Variants in CELF2 observed in about 807,000 individuals in gnomAD.
CELF2 encodes CUGBP Elav-like family member 2, also known as CUG triplet repeat RNA-binding protein 2.
In CELF2, 8 loss-of-function variants were observed where a neutral mutation model predicts 62.6. That is an observed-to-expected ratio of 0.13 (90% CI 0.07 to 0.23). The LOEUF (loss-of-function observed/expected upper bound fraction) is 0.23. CELF2 is among the 10% of genes least tolerant of loss of function. CELF2 has a pLI of 1.00. For missense variants in CELF2, 333 were observed against 671.0 expected (o/e 0.50, Z 5.56); for synonymous variants, 258 against 250.0 (o/e 1.03, Z -0.30).
intron 1 of CELF2, among the ~76,000 whole-genome samples, chr10:11,043,579 C>T (rs1192074616): frequency 6.6e-6 from 1 of 152,092 alleles, no homozygotes; most frequent in Non-Finnish European, 1.5e-5. Context: ...AATCAAGCTC[C>T]TCATCCCCCG....
intron 2 of CELF2, among the ~76,000 whole-genome samples, chr10:10,944,741 A>C (rs1187282858): frequency 2.6e-5 from 4 of 152,044 alleles, no homozygotes; most frequent in Non-Finnish European, 5.9e-5. Context: ...AGCTGGGATT[A>C]CAGGTGTGCA....
At chr10:11,167,680 G>A (rs1422342087) in intron 2 of CELF2, among the ~76,000 whole-genome samples, 1 of 152,188 alleles carries the variant, frequency 6.6e-6, no homozygotes, top group Non-Finnish European at 1.5e-5. Flanking sequence ...TGTTCACTGT[G>A]CCTGATTACT....
chr10:10,870,282 A>G (rs1353203934), intron 1 of CELF2, among the ~76,000 whole-genome samples: 3 of 152,326 alleles, frequency 2.0e-5, no homozygotes, highest in East Asian at 1.9e-4. Flanking sequence ...AAAAAAGGCC[A>G]TAAGTCATTG....
At chr10:10,832,604 G>T (rs1011617176) in intron 1 of CELF2, among the ~76,000 whole-genome samples, 8 of 152,290 alleles carry the variant, frequency 5.3e-5, no homozygotes, top group African/African-American at 1.9e-4. Context: ...GTGTGCAGGT[G>T]AGTCGGTTCA....
chr10:11,077,605 T>C (rs2072470045), intron 1 of CELF2, among the ~76,000 whole-genome samples: 1 of 152,204 alleles, frequency 6.6e-6, no homozygotes, highest in East Asian at 1.9e-4. Context: ...ATACCTATTA[T>C]TACTTTTATC....
intron 5 of CELF2, among the ~76,000 whole-genome samples, chr10:11,259,499 T>C (rs1419786230): frequency 6.6e-6 from 1 of 151,772 alleles, no homozygotes; most frequent in African/African-American, 2.4e-5. Flanking sequence ...AATTTTGTTA[T>C]ATAACACTCA....
Position 11,268,626 on chromosome 10 carries a change from C to G in CELF2, c.618+1949C>G, listed in dbSNP as rs967692683. ...ATTAATATCTCTGTTATTTGAAAACCAAATTTGGTGTTTAAAACTGGACAT... is the reference window on the plus strand; with the variant it reads ...ATTAATATCTCTGTTATTTGAAAACGAAATTTGGTGTTTAAAACTGGACAT... On this transcript the variant is annotated intron_variant, in intron 6 of 12. Transcript: ENST00000633077. The surrounding 1 kb of genome is among the most constrained non-coding windows in gnomAD (Gnocchi z 4.7). 1.4e-4 allele frequency among the ~76,000 whole-genome samples: 22 copies of G among 152,082 alleles called. 1 individual carries two copies. Among genetic ancestry groups the G allele is most frequent in the Admixed American group, 1.4e-3 (22 of 15,276 alleles).
intron 2 of CELF2, among the ~76,000 whole-genome samples, chr10:10,985,819 C>T (rs534699330): frequency 3.9e-5 from 6 of 152,316 alleles, no homozygotes; most frequent in East Asian, 1.9e-4. Flanking sequence ...TGGGTCTGCA[C>T]GTGGGCCTGA....
intron 5 of CELF2, 95 bp downstream of exon 5, chr10:11,257,967 G>T (rs868141244): frequency 2.8e-6 from 4 of 1,437,338 alleles, no homozygotes; most frequent in Middle Eastern, 4.4e-4. Context: ...ACGGCAAGAG[G>T]TCACCCTGTA....
At chr10:10,486,842 G>A in the CELF2 span, among the ~76,000 whole-genome samples, 2 of 152,064 alleles carry the variant, frequency 1.3e-5, 1 homozygote, top group Admixed American at 1.3e-4. Flanking sequence ...AAAAGCAGAA[G>A]GATCTAATGA....
the CELF2 span, among the ~76,000 whole-genome samples, chr10:10,532,761 A>G: frequency 6.6e-6 from 1 of 152,120 alleles, no homozygotes; most frequent in Non-Finnish European, 1.5e-5. Context: ...ATGTTAATTT[A>G]TTCACTAGAG....
the CELF2 span, among the ~76,000 whole-genome samples, chr10:10,538,175 G>A: frequency 6.6e-6 from 1 of 152,162 alleles, no homozygotes; most frequent in Non-Finnish European, 1.5e-5. Flanking sequence ...ATGTCCTTCA[G>A]TAGCAGGGTA....
the CELF2 span, among the ~76,000 whole-genome samples, chr10:10,609,228 C>A: frequency 6.6e-6 from 1 of 152,262 alleles, no homozygotes; most frequent in African/African-American, 2.4e-5. Flanking sequence ...CTGGCCAAGG[C>A]TAAAGGTACA....
chr10:10,639,695 T>C, the CELF2 span, among the ~76,000 whole-genome samples: 1 of 152,242 alleles, frequency 6.6e-6, no homozygotes, highest in African/African-American at 2.4e-5. Flanking sequence ...TTATGTTTCG[T>C]GTAGGCTTTT....
chr10:11,118,244 G>A lies in CELF2; in HGVS notation c.75-47242G>A, dbSNP rs564452434. ...TGAATGGGTGTTTATTCTTCATCCT[G>A]GTTCTCGGTAGTCTGAACCCAAGGC... On this transcript the variant is annotated intron_variant, in intron 1 of 12. Transcript: ENST00000633077. 5.9e-5 allele frequency among the ~76,000 whole-genome samples: 9 copies of A among 152,104 alleles called. No homozygotes were observed. The East Asian group carries it at 1.7e-3, about 29-fold the overall frequency.
At chr10:11,089,325 G>A (rs1211388731) in intron 1 of CELF2, among the ~76,000 whole-genome samples, 1 of 152,218 alleles carries the variant, frequency 6.6e-6, no homozygotes, top group Non-Finnish European at 1.5e-5. Context: ...TTTGAGGTGC[G>A]CATAGGATTT....
rs1005405425 is a variant in CELF2, at chr10:11,011,305, G to A, written c.53+5865G>A. ...AGTCTGGGGCCTCAAGCAACTCACA[G>A]CACTCATGGAACAAAGAGTAGACAG... is the stretch of plus-strand genomic sequence containing the variant. On this transcript the variant is annotated intron_variant, in intron 1 of 12. Coordinates refer to the CELF2 transcript ENST00000416382. The surrounding 1 kb of genome is among the most constrained non-coding windows in gnomAD (Gnocchi z 4.6). 6.6e-6 allele frequency among the ~76,000 whole-genome samples: 1 copy of A among 151,940 alleles called. No individual in the cohort carries two copies. Among genetic ancestry groups the A allele is most frequent in the Non-Finnish European group, 1.5e-5 (1 of 68,010 alleles).
chr10:10,911,114 C>T (rs545011408), intron 1 of CELF2, among the ~76,000 whole-genome samples: 40 of 152,334 alleles, frequency 2.6e-4, no homozygotes, highest in African/African-American at 9.4e-4. Flanking sequence ...TGAGCTGCGT[C>T]TGAAGAGGAC....
the CELF2 span, among the ~76,000 whole-genome samples, chr10:10,609,376 C>T: frequency 2.2e-5 from 3 of 135,518 alleles, no homozygotes; most frequent in African/African-American, 6.0e-5. Context: ...ATAGTGAGGC[C>T]GGAATAAGAG....
Sources: allele counts gnomAD v4.1 joint callset (sites outside exome capture counted in the v4.1 genomes callset), GRCh38; gene constraint gnomAD v4.1.1; non-coding constraint Gnocchi (gnomAD v3.1); transcripts MANE v1.5; gene names NCBI Gene and HGNC (gene_info 2026-07-23, HGNC 2026-07-21).